Variants in METAP2 observed in about 807,000 individuals in gnomAD.
METAP2 encodes methionyl aminopeptidase 2.
In METAP2, 25 loss-of-function variants were observed where a neutral mutation model predicts 59.4. The ratio of observed to expected loss-of-function variants is 0.42; its 90% confidence interval spans 0.31 to 0.59. The LOEUF (loss-of-function observed/expected upper bound fraction) is 0.59, where lower values mean the gene tolerates loss of function less well. Ranked by LOEUF, METAP2 falls within the 20% of genes least tolerant of loss-of-function variation. The pLI, the probability that METAP2 is intolerant of heterozygous loss-of-function variation, is 0.16. For synonymous variants in METAP2, 214 were observed against 194.1 expected (o/e 1.10, Z -0.85); for missense variants, 366 against 581.2 (o/e 0.63, Z 3.81).
chr12:95,487,316 A>T (rs554015265), intron 4 of METAP2, among the ~76,000 whole-genome samples: 14 of 148,604 alleles, frequency 9.4e-5, no homozygotes, highest in African/African-American at 3.2e-4. Flanking sequence ...TAAAGACACC[A>T]TTTTTTTTTT....
chr12:95,496,430 A>C (rs964641430), intron 7 of METAP2, among the ~76,000 whole-genome samples: 1 of 152,122 alleles, frequency 6.6e-6, no homozygotes, highest in African/African-American at 2.4e-5. Flanking sequence ...AATTGAGCAG[A>C]AAGTACAGAG....
chr12:95,504,215 C>A, intron 8 of METAP2, 54 bp downstream of exon 8: 3 of 1,273,550 alleles, frequency 2.4e-6, no homozygotes, highest in South Asian at 2.6e-5. Context: ...AAACTATTGT[C>A]GAGTGTTTTC....
At chr12:95,489,984 TACA>T (rs1393216064) in intron 4 of METAP2, among the ~76,000 whole-genome samples, 2 of 152,200 alleles carry the variant, frequency 1.3e-5, no homozygotes, top group Non-Finnish European at 2.9e-5. Context: ...CTCAATGAAA[TACA>T]ACAAGTATGC....
At chr12:95,485,791 T>A in intron 3 of METAP2, 88 bp from the exon 4 acceptor site, 1 of 850,112 alleles carries the variant, frequency 1.2e-6, no homozygotes, top group East Asian at 2.9e-5. Context: ...TCAGAACATA[T>A]AACAACCATT....
chr12:95,492,731 A>T (rs1271798200), intron 4 of METAP2, among the ~76,000 whole-genome samples: 1 of 151,644 alleles, frequency 6.6e-6, no homozygotes, highest in Non-Finnish European at 1.5e-5. Flanking sequence ...CGCCCAGCTA[A>T]TTTTTTTTGG....
At chr12:95,509,957 G>A (rs1435652535) in intron 8 of METAP2, among the ~76,000 whole-genome samples, 2 of 149,730 alleles carry the variant, frequency 1.3e-5, no homozygotes, top group African/African-American at 4.9e-5. Flanking sequence ...TCCTGCCTCA[G>A]CCTCCCAAAT....
In METAP2 at chr12:95,502,550, GT is replaced by G. The variant is rs1429498781; in HGVS notation, c.868-1514del. ...AGTTTGATTATCATTTTGTGTGTGT[GT>G]GTGGGGGGGTTTCTTTGAGTTCATC... is the stretch of plus-strand genomic sequence containing the variant. On this transcript the variant is annotated intron_variant, in intron 7 of 10. Coordinates refer to ENST00000323666, the MANE Select transcript of METAP2 (RefSeq NM_006838.4). Among the ~76,000 whole-genome samples, 7 of 151,990 alleles carry G rather than the reference GT, an allele frequency of 4.6e-5. No individual in the cohort carries two copies. The East Asian group carries it at 9.7e-4, about 21-fold the overall frequency.
At chr12:95,488,172 A>G (rs2076211333) in intron 4 of METAP2, among the ~76,000 whole-genome samples, 1 of 151,902 alleles carries the variant, frequency 6.6e-6, no homozygotes, top group Admixed American at 6.6e-5. Context: ...AGAAGTTTTA[A>G]ATTTTTAAAT....
chr12:95,495,854 G>A, intron 6 of METAP2, 150 bp from the exon 7 acceptor site: 1 of 583,202 alleles, frequency 1.7e-6, no homozygotes, highest in South Asian at 2.2e-5. Flanking sequence ...CTTTGATTAT[G>A]AATGATCTTT....
chr12:95,513,511 CT>C, intron 10 of METAP2, 140 bp from the exon 11 acceptor site: 3 of 908,728 alleles, frequency 3.3e-6, no homozygotes, highest in Non-Finnish European at 3.3e-6. Context: ...TACATTCTGG[CT>C]TTTGATTGTT....
chr12:95,500,471 T>C (rs11519597), intron 7 of METAP2, among the ~76,000 whole-genome samples: 6,912 of 152,304 alleles, frequency 0.045, 217 homozygotes, highest in Non-Finnish European at 0.067. Context: ...GTTTGTGATC[T>C]TAGAGGAAAG....
At position 95,514,209 on chromosome 12, in the gene METAP2, G is replaced by T; in HGVS notation, c.*305G>T. 1 of 303,810 alleles carries T rather than the reference G, an allele frequency of 3.3e-6. No individual in the cohort carries two copies. The highest frequency in any genetic ancestry group is 6.0e-6 in the Non-Finnish European group (1 of 166,668). 18.8% of individuals were successfully genotyped at this position (303,810 alleles called of 1,614,324 possible). ...TTTGAATACCTAAGAGATACTTTTT[G>T]GATATTTATATTGCCATATTCTTAC... On this transcript the variant is annotated 3_prime_UTR_variant, in exon 11 of 11. Transcript: ENST00000323666.
intron 4 of METAP2, among the ~76,000 whole-genome samples, chr12:95,490,566 ATTTTTTTTTT>A (rs67031623): frequency 9.7e-6 from 1 of 102,824 alleles, no homozygotes; most frequent in Non-Finnish European, 1.9e-5. Context: ...TGAAGCCTGT[ATTTTTTTTTT>A]TTTTTTTTTT....
At chr12:95,492,742 T>TAGAGACAGAGTC (rs1190010770) in intron 4 of METAP2, among the ~76,000 whole-genome samples, 1 of 151,848 alleles carries the variant, frequency 6.6e-6, no homozygotes, top group African/African-American at 2.4e-5. Context: ...TTTTTTTTGG[T>TAGAGACAGAGTC]AGAGACAGAG....
chr12:95,494,174 G>A lies in METAP2; in HGVS notation c.547G>A (p.Val183Ile), dbSNP rs201929594. 5 of 1,613,870 alleles carry A rather than the reference G, an allele frequency of 3.1e-6. No individual in the cohort carries two copies. The highest frequency in any genetic ancestry group is 2.2e-5 in the East Asian group (1 of 44,866). ...AEAHRQVRKY[V>I]MSWIKPGMTM... ...AGCACATCGACAAGTTAGAAAATAC[G>A]TAATGAGCTGGATCAAGCCTGGGAT... The change falls in exon 5 of 11, where the codon GTA becomes ATA. Residue 183 changes from valine to isoleucine, a missense_variant. Val to Ile is a conservative substitution (Grantham distance 29, BLOSUM62 3). This residue lies in a region of METAP2 where 106 missense variants were observed against 221.9 expected (regional missense o/e 0.48). Coordinates refer to ENST00000323666, the MANE Select transcript of METAP2 (RefSeq NM_006838.4).
Position 95,474,330 on chromosome 12 carries a change from G to C in METAP2, c.151G>C (p.Ala51Pro). 1 of 1,613,668 alleles carries C rather than the reference G, an allele frequency of 6.2e-7. No homozygotes were observed. The highest frequency in any genetic ancestry group is 8.5e-7 in the Non-Finnish European group (1 of 1,179,860). The change falls in exon 1 of 11, where the codon GCA (alanine) becomes CCA (proline). Residue 51 changes from alanine (A) to proline (P), a missense_variant and splice_region_variant. This residue lies in a region of METAP2 where 177 missense variants were observed against 180.3 expected (regional missense o/e 0.98). Coordinates refer to ENST00000323666, the MANE Select transcript of METAP2 (RefSeq NM_006838.4). ...KKKKSKGPSA[A>P]GEQEPDKESG... ...GAAGAAGAGCAAAGGGCCTTCTGCAGGTAAAGAGAGTTTTATGTTTTCCCA... is the reference window on the plus strand; with the variant it reads ...GAAGAAGAGCAAAGGGCCTTCTGCACGTAAAGAGAGTTTTATGTTTTCCCA...
At position 95,495,133 on chromosome 12, in the gene METAP2, T is replaced by A; in HGVS notation, c.767T>A (p.Ile256Lys). 1 of 1,604,462 alleles carries A rather than the reference T, an allele frequency of 6.2e-7. No individual in the cohort carries two copies. Among genetic ancestry groups the A allele is most frequent in the Non-Finnish European group, 8.5e-7 (1 of 1,174,304 alleles). ...TGTAAAATAGACTTTGGAACACATA[T>A]AAGTGGTAAATTCTTGCAGAAAATT... The part of the protein sequence containing the change: ...DICKIDFGTH[I>K]SGRIIDCAFT... The change falls in exon 6 of 11, where the codon ATA becomes AAA. Residue 256 changes from isoleucine (I) to lysine (K), a missense_variant. Ile to Lys is a moderately radical substitution (Grantham distance 102, BLOSUM62 -3). Transcript: ENST00000323666.
At chr12:95,487,468 G>A (rs914776572) in intron 4 of METAP2, among the ~76,000 whole-genome samples, 1 of 151,944 alleles carries the variant, frequency 6.6e-6, no homozygotes, top group Non-Finnish European at 1.5e-5. Flanking sequence ...ATTTGAAATC[G>A]TCAATTGTCC....
chr12:95,512,720 G>A, intron 9 of METAP2, 81 bp from the exon 10 acceptor site: 1 of 766,240 alleles, frequency 1.3e-6, no homozygotes, highest in Non-Finnish European at 2.2e-6. Context: ...CAAAAAGAGA[G>A]AGAGAGAAAG....
Sources: gnomAD v4.1 joint callset for allele counts (sites outside exome capture counted in the v4.1 genomes callset) on GRCh38, gnomAD v4.1.1 for gene constraint, gnomAD v4.1.1 regional missense constraint, MANE v1.5 for transcripts, NCBI Gene and HGNC (gene_info 2026-07-23, HGNC 2026-07-21) for gene names.